Variants in CRAT observed in about 807,000 individuals in gnomAD.
The protein encoded by CRAT is carnitine O-acetyltransferase, also known as carnitine acetylase.
Under a neutral mutation model 73.7 loss-of-function variants are expected in CRAT, and 66 were observed. The ratio of observed to expected loss-of-function variants is 0.90; its 90% CI spans 0.73 to 1.10. CRAT has a LOEUF of 1.10. CRAT is among the 50% of genes least tolerant of loss of function. The pLI, the probability that CRAT is intolerant of heterozygous loss-of-function variation, is 0.00. For synonymous variants in CRAT, 321 were observed against 343.2 expected (o/e 0.94, Z 0.71); for missense variants, 745 against 846.9 (o/e 0.88, Z 1.49).
chr9:129,101,867 G>T lies in CRAT; in HGVS notation c.805+16C>A. The stretch of plus-strand genomic sequence containing the variant: ...AGGCCTGGGTGTGCAGCCCCAGCAC[G>T]GCCCCCAAGAGGCACCTTTGATGAG... On this transcript the variant is annotated intron_variant, in intron 6 of 13. Coordinates refer to ENST00000318080, the MANE Select transcript of CRAT (RefSeq NM_000755.5). 6.2e-7 allele frequency: 1 copy of T among 1,611,810 alleles called. No homozygotes were observed. The highest frequency in any genetic ancestry group is 1.1e-5 in the South Asian group (1 of 90,804).
rs1847795365 is a variant in CRAT, at chr9:129,103,142, G to A, written c.411-76C>T. 2.4e-6 allele frequency: 3 copies of A among 1,270,256 alleles called. No individual in the cohort carries two copies. In the East Asian group the frequency reaches 6.9e-5, roughly 29 times the overall value. 78.7% of individuals were successfully genotyped at this position (1,270,256 alleles called of 1,614,324 possible). On this transcript the variant is annotated intron_variant, in intron 3 of 13. Transcript: ENST00000318080. The surrounding 1 kb of genome is among the most constrained non-coding windows in gnomAD (Gnocchi z 4.6). The stretch of plus-strand genomic sequence containing the variant: ...CCCCGGGCTAGGGACACCTGCTTGG[G>A]GAGCGGGAGGTCTAGTCTTCCAGCC...
At chr9:129,095,653 G>C (rs2131431031) in intron 13 of CRAT, 41 bp from the exon 14 acceptor site, 2 of 1,579,248 alleles carry the variant, frequency 1.3e-6, no homozygotes, top group Non-Finnish European at 1.7e-6. Flanking sequence ...CCCCTACCTT[G>C]ACGCCCCCAG....
chr9:129,095,004 T>G lies in CRAT; in HGVS notation c.*393A>C. The G allele has an allele frequency of 4.0e-6, 1 of 247,938 alleles. No individual in the cohort carries two copies. The highest frequency in any genetic ancestry group is 7.9e-6 in the Non-Finnish European group (1 of 125,896). The allele number at this position is 247,938 out of a possible 1,614,324, so 15.4% of individuals were successfully genotyped here. A position where few individuals can be genotyped will look rare whatever the true frequency, so the allele number is the denominator to read the frequency against. On this transcript the variant is annotated 3_prime_UTR_variant, in exon 14 of 14. Transcript: ENST00000318080. ...GGTCCTGGGAGTTTGGGAAGCAGGG[T>G]ACAGATGGTGGCCTGGTCATGGAGT...
In CRAT at chr9:129,110,472, G is replaced by T. The variant is rs373031416; in HGVS notation, c.27+11C>A. ...TCCAGGGCCCTCAGGCCCGGGATCCGCCGCACTCACCACGGTCCTGGCAGC... is the reference window on the plus strand; with the variant it reads ...TCCAGGGCCCTCAGGCCCGGGATCCTCCGCACTCACCACGGTCCTGGCAGC... On this transcript the variant is annotated intron_variant, in intron 1 of 13. Transcript: ENST00000318080. The surrounding 1 kb of genome is among the most constrained non-coding windows in gnomAD (Gnocchi z 5.3). 3 of 1,582,278 alleles carry T rather than the reference G, an allele frequency of 1.9e-6. No individual in the cohort carries two copies. The highest frequency in any genetic ancestry group is 1.7e-6 in the Non-Finnish European group (2 of 1,171,356).
chr9:129,095,169 T>G lies in CRAT; in HGVS notation c.*228A>C. On this transcript the variant is annotated 3_prime_UTR_variant, in exon 14 of 14. Coordinates refer to ENST00000318080, the MANE Select transcript of CRAT (RefSeq NM_000755.5). The stretch of plus-strand genomic sequence containing the variant: ...CCCGGGCCTAACGTCCTGCTCAGCC[T>G]CTGCACTCAGCCCCAGGTCGGGCCC... 6 of 592,924 alleles carry G rather than the reference T, an allele frequency of 1.0e-5. No individual in the cohort carries two copies. The South Asian group carries it at 1.0e-4, about 10-fold the overall frequency. 36.7% of individuals were successfully genotyped at this position (592,924 alleles called of 1,614,324 possible).
At chr9:129,104,124 C>T (rs984735532) in intron 3 of CRAT, 64 bp downstream of exon 3, 17 of 1,247,764 alleles carry the variant, frequency 1.4e-5, no homozygotes, top group South Asian at 2.6e-5. Context: ...CCCCTCCAAG[C>T]GGCTGGGCGA....
chr9:129,099,486 GCA>G (rs1847521137), intron 8 of CRAT, among the ~76,000 whole-genome samples: 1 of 149,812 alleles, frequency 6.7e-6, no homozygotes, highest in Non-Finnish European at 1.5e-5. Flanking sequence ...GAGTGCAGTG[GCA>G]CAGTCTCCGC....
chr9:129,101,781 G>C (rs1214488467), intron 6 of CRAT, 102 bp downstream of exon 6: 2 of 1,370,714 alleles, frequency 1.5e-6, no homozygotes, highest in Non-Finnish European at 2.0e-6. Context: ...TCATTCCTTT[G>C]TTGCCAGCAG....
At chr9:129,109,162 G>A (rs1321468472) in intron 1 of CRAT, 1 of 1,304,070 alleles carries the variant, frequency 7.7e-7, no homozygotes, top group Non-Finnish European at 1.0e-6. Flanking sequence ...CAGGACAAAA[G>A]GTAATAAAAA....
rs749243187 is a variant in CRAT at position 129,098,097 on chromosome 9, A to G, written c.1380T>C (p.Phe460=). Residue 460 remains phenylalanine, a synonymous_variant, in exon 11 of 14, where the codon TTT becomes TTC. Coordinates refer to ENST00000318080, the MANE Select transcript of CRAT (RefSeq NM_000755.5). ...GGATGGTGTCGGTGCGGCCCAGGTG[A>G]AACATGCGCAGGGAGGCACTTTCAT... ...ATYESASLRM[F]HLGRTDTIRS... The G allele has an allele frequency of 6.2e-7, 1 of 1,614,028 alleles. No homozygotes were observed. The highest frequency in any genetic ancestry group is 2.2e-5 in the East Asian group (1 of 44,880).
chr9:129,095,699 C>T, intron 13 of CRAT, 87 bp from the exon 14 acceptor site: 6 of 1,361,256 alleles, frequency 4.4e-6, no homozygotes, highest in South Asian at 3.9e-5. Context: ...GCCAAGACTG[C>T]AGGCCCCTTG....
rs762425351 is a variant in CRAT at position 129,095,573 on chromosome 9, C to T, written c.1705G>A (p.Val569Met). Residue 569 changes from valine (V) to methionine (M), a missense_variant, in exon 14 of 14, where the codon GTG (valine) becomes ATG (methionine). Transcript: ENST00000318080. Reference protein sequence around the residue: ...KTDCVMFFGPVVPDGYGVCYN... With the variant: ...KTDCVMFFGPMVPDGYGVCYN... Reference sequence around the variant, plus strand: ...CAGACACCGTAGCCGTCGGGGACCACGGGCCCGAAGAACATGACACAGTCT... The same window carrying T: ...CAGACACCGTAGCCGTCGGGGACCATGGGCCCGAAGAACATGACACAGTCT... 62 of 1,613,170 alleles carry T rather than the reference C, an allele frequency of 3.8e-5. No homozygotes were observed. In the Admixed American group the frequency reaches 4.7e-4, roughly 12 times the overall value.
At chr9:129,102,166 G>A in intron 5 of CRAT, 109 bp from the exon 6 acceptor site, 1 of 1,336,472 alleles carries the variant, frequency 7.5e-7, no homozygotes. Flanking sequence ...GGAGGGGATG[G>A]AGTCAGGCCA....
Position 129,106,076 on chromosome 9 carries a change from C to T in CRAT, c.291+1738G>A, listed in dbSNP as rs1381974078. On this transcript the variant is annotated intron_variant, in intron 2 of 13. Coordinates refer to ENST00000318080, the MANE Select transcript of CRAT (RefSeq NM_000755.5). This position sits in a 1 kb window ranked among gnomAD's most constrained non-coding sequence, Gnocchi z 4.0. ...CGTGGTGAACAGCAGCAGGATGCGC[C>T]TCTTCATCACACGCACTCCCCTGCA... 6.6e-6 allele frequency among the ~76,000 whole-genome samples: 1 copy of T among 152,174 alleles called. No homozygotes were observed. Among genetic ancestry groups the T allele is most frequent in the Admixed American group, 6.5e-5 (1 of 15,292 alleles).
chr9:129,102,209 C>T, intron 5 of CRAT, 152 bp from the exon 6 acceptor site: 1 of 1,188,948 alleles, frequency 8.4e-7, no homozygotes, highest in Non-Finnish European at 1.2e-6. Flanking sequence ...CTTGGATCAC[C>T]CTTCTGGGCT....
Position 129,095,509 on chromosome 9 carries a change from G to A in CRAT, c.1769C>T (p.Ser590Leu), listed in dbSNP as rs767998416. The change falls in exon 14 of 14, where the codon TCG becomes TTG. Residue 590 changes from serine to leucine, a missense_variant. Ser to Leu is a moderately radical substitution (Grantham distance 145). Coordinates refer to ENST00000318080, the MANE Select transcript of CRAT (RefSeq NM_000755.5). ...PMEAHINFSL[S>L]AYNSCAETNA... ...GGTCTCCGCGCAGCTGTTGTAGGCC[G>A]ACAGGGAGAAGTTGATGTGGGCCTC... The A allele has an allele frequency of 2.2e-5, 36 of 1,613,414 alleles. No homozygotes were observed. Among genetic ancestry groups the A allele is most frequent in the East Asian group, 1.8e-4 (8 of 44,902 alleles).
At chr9:129,101,084 G>T (rs1847643423) in intron 6 of CRAT, among the ~76,000 whole-genome samples, 1 of 151,282 alleles carries the variant, frequency 6.6e-6, no homozygotes, top group African/African-American at 2.5e-5. Flanking sequence ...GGGCACAGGG[G>T]GTGTGGAGGC....
rs1454171448 is a variant in CRAT, at chr9:129,110,183, TCTCTCCC to T, written c.27+293_27+299del. ...AGCTAGGGTCTGGATGCTCCTGGTCTCTCTCCCCTACCGGCCTGTCTCTGGGTCTAAG... is the reference window on the plus strand; with the variant it reads ...AGCTAGGGTCTGGATGCTCCTGGTCTCTACCGGCCTGTCTCTGGGTCTAAG... On this transcript the variant is annotated intron_variant, in intron 1 of 13. Transcript: ENST00000318080. The surrounding 1 kb of genome is among the most constrained non-coding windows in gnomAD (Gnocchi z 5.3). 6.6e-5 allele frequency among the ~76,000 whole-genome samples: 10 copies of T among 152,194 alleles called. No homozygotes were observed. In the South Asian group the frequency reaches 1.5e-3, roughly 22 times the overall value.
In CRAT at chr9:129,095,511, C is replaced by G. The variant is rs1554724245; in HGVS notation, c.1767G>C (p.Leu589=). Residue 589 remains leucine (L), a synonymous_variant, in exon 14 of 14, where the codon CTG becomes CTC. Coordinates refer to ENST00000318080, the MANE Select transcript of CRAT (RefSeq NM_000755.5). Reference sequence around the variant, plus strand: ...TCTCCGCGCAGCTGTTGTAGGCCGACAGGGAGAAGTTGATGTGGGCCTCCA... The same window carrying G: ...TCTCCGCGCAGCTGTTGTAGGCCGAGAGGGAGAAGTTGATGTGGGCCTCCA... ...NPMEAHINFS[L]SAYNSCAETN... The G allele has an allele frequency of 6.2e-7, 1 of 1,613,414 alleles. No homozygotes were observed. Among genetic ancestry groups the G allele is most frequent in the South Asian group, 1.1e-5 (1 of 91,092 alleles).
Sources: allele counts gnomAD v4.1 joint callset (sites outside exome capture counted in the v4.1 genomes callset), GRCh38; gene constraint gnomAD v4.1.1; non-coding constraint Gnocchi (gnomAD v3.1); transcripts MANE v1.5; gene names NCBI Gene and HGNC (gene_info 2026-07-23, HGNC 2026-07-21).